SORCS1: variants seen among roughly 807,000 people sequenced by gnomAD.
SORCS1 encodes the protein sortilin related VPS10 domain containing receptor 1, also known as VPS10 domain-containing receptor SorCS1.
Under a neutral mutation model 146.1 loss-of-function variants are expected in SORCS1, and 60 were observed. The ratio of observed to expected loss-of-function variants is 0.41; its 90% CI spans 0.33 to 0.51. SORCS1 has a LOEUF of 0.51. Ranked by LOEUF, SORCS1 falls within the 20% of genes least tolerant of loss-of-function variation. The pLI is 0.21. For synonymous variants in SORCS1, 637 were observed against 584.0 expected, an observed-to-expected ratio of 1.09 and a Z score of -1.31; for missense variants, 1,352 against 1,487.6, an observed-to-expected ratio of 0.91 and a Z score of 1.50.
intron 10 of SORCS1, among the ~76,000 whole-genome samples, chr10:106,687,213 C>T (rs1320627836): frequency 6.6e-6 from 1 of 152,172 alleles, no homozygotes; most frequent in Non-Finnish European, 1.5e-5. Flanking sequence ...CGTGACCCTG[C>T]AATCTTCCAT....
chr10:106,812,483 CT>C (rs1204717644), intron 3 of SORCS1, among the ~76,000 whole-genome samples: 4 of 152,178 alleles, frequency 2.6e-5, no homozygotes, highest in Non-Finnish European at 5.9e-5. Flanking sequence ...TACCACTTAG[CT>C]CAAAAGGCAA....
chr10:107,123,347 A>C (rs1277370361), intron 1 of SORCS1, among the ~76,000 whole-genome samples: 5 of 152,256 alleles, frequency 3.3e-5, no homozygotes, highest in African/African-American at 7.2e-5. Context: ...TTCAATAAAC[A>C]GTAAAAGAAA....
chr10:107,033,961 T>C (rs1477841890), intron 1 of SORCS1, among the ~76,000 whole-genome samples: 3 of 152,188 alleles, frequency 2.0e-5, no homozygotes, highest in African/African-American at 7.2e-5. Context: ...CATTAATCAC[T>C]CCTGATGCTC....
At chr10:106,695,999 C>T (rs1021573936) in intron 9 of SORCS1, among the ~76,000 whole-genome samples, 18 of 152,166 alleles carry the variant, frequency 1.2e-4, no homozygotes, top group African/African-American at 4.1e-4. Context: ...CTTCCTTCTG[C>T]ATTTTTTAGA....
the SORCS1 span, among the ~76,000 whole-genome samples, chr10:107,173,785 A>C: frequency 1.3e-5 from 2 of 152,212 alleles, no homozygotes; most frequent in African/African-American, 4.8e-5. Flanking sequence ...AGCACCATTA[A>C]TTTAAAATTT....
chr10:107,040,702 T>A (rs1319637252), intron 1 of SORCS1, among the ~76,000 whole-genome samples: 1 of 152,184 alleles, frequency 6.6e-6, no homozygotes, highest in Non-Finnish European at 1.5e-5. Context: ...TTGTAAGGAT[T>A]ACATAAGATG....
chr10:107,004,974 G>T (rs904663691), intron 1 of SORCS1, among the ~76,000 whole-genome samples: 10 of 152,052 alleles, frequency 6.6e-5, no homozygotes, highest in African/African-American at 2.4e-4. Flanking sequence ...ACTTTCTCCA[G>T]TTGCCTGCCA....
intron 2 of SORCS1, among the ~76,000 whole-genome samples, chr10:106,857,742 A>G (rs550424411): frequency 9.8e-5 from 15 of 152,326 alleles, no homozygotes; most frequent in African/African-American, 3.6e-4. Context: ...AGTGCAACTG[A>G]TATTTCTATT....
chr10:106,954,771 C>T (rs922219390), intron 2 of SORCS1, among the ~76,000 whole-genome samples: 1 of 152,062 alleles, frequency 6.6e-6, no homozygotes, highest in Non-Finnish European at 1.5e-5. Context: ...ACGGCCTGCA[C>T]CTCCCCCATT....
At chr10:107,116,875 C>T (rs1275912390) in intron 1 of SORCS1, among the ~76,000 whole-genome samples, 2 of 152,098 alleles carry the variant, frequency 1.3e-5, no homozygotes, top group Admixed American at 1.3e-4. Flanking sequence ...AATAATCTTG[C>T]TATCAACAGA....
chr10:106,637,595 G>A (rs754978847), intron 18 of SORCS1, among the ~76,000 whole-genome samples: 11 of 152,172 alleles, frequency 7.2e-5, no homozygotes, highest in Non-Finnish European at 1.6e-4. Flanking sequence ...CCAGTGAAGA[G>A]GATAGTGCAG....
chr10:106,919,214 G>A (rs1010830388), intron 2 of SORCS1, among the ~76,000 whole-genome samples: 4 of 152,174 alleles, frequency 2.6e-5, no homozygotes, highest in Non-Finnish European at 5.9e-5. Flanking sequence ...TGGTATGATA[G>A]CTATGCCCTT....
At chr10:106,660,242 ATG>A in intron 17 of SORCS1, among the ~76,000 whole-genome samples, 1 of 152,218 alleles carries the variant, frequency 6.6e-6, no homozygotes, top group African/African-American at 2.4e-5. Flanking sequence ...TTTATGGCTT[ATG>A]TAGAGAGGAA....
At chr10:107,018,113 T>G (rs572608474) in intron 1 of SORCS1, among the ~76,000 whole-genome samples, 6 of 152,186 alleles carry the variant, frequency 3.9e-5, no homozygotes, top group African/African-American at 1.4e-4. Context: ...TCTTGCTAAG[T>G]TCCCCCTAGT....
intron 10 of SORCS1, among the ~76,000 whole-genome samples, chr10:106,683,692 T>C (rs186138754): frequency 6.6e-6 from 1 of 152,320 alleles, no homozygotes; most frequent in African/African-American, 2.4e-5. Flanking sequence ...TTTATCTCCA[T>C]GGTATCTAAT....
chr10:106,629,254 C>T lies in SORCS1; in HGVS notation c.2610G>A (p.Gln870=), dbSNP rs1308142883. The T allele has an allele frequency of 2.0e-5, 32 of 1,613,970 alleles. No homozygotes were observed. The East Asian group carries it at 7.1e-4, about 36-fold the overall frequency. Residue 870 remains glutamine (Q), a synonymous_variant, in exon 19 of 26, where the codon CAG becomes CAA. Coordinates refer to ENST00000263054, the MANE Select transcript of SORCS1 (RefSeq NM_052918.5). ...QNVGIFRVTV[Q]VDNSLGSDSA... ...TGTCAGAACCCAGACTGTTGTCCAC[C>T]TGCACGGTCACACGGAAAATGCCCA...
chr10:106,823,875 T>C (rs1948169831), intron 3 of SORCS1, among the ~76,000 whole-genome samples: 1 of 152,162 alleles, frequency 6.6e-6, no homozygotes, highest in Admixed American at 6.5e-5. Flanking sequence ...TGGGACTCAG[T>C]CTCCATATCT....
chr10:106,930,707 T>C (rs749105125), intron 2 of SORCS1, among the ~76,000 whole-genome samples: 5 of 152,192 alleles, frequency 3.3e-5, no homozygotes, highest in African/African-American at 1.2e-4. Flanking sequence ...TGGAAAGATA[T>C]GATGGTTCTT....
At chr10:107,072,064 C>A (rs539327705) in intron 1 of SORCS1, among the ~76,000 whole-genome samples, 12 of 152,304 alleles carry the variant, frequency 7.9e-5, no homozygotes, top group African/African-American at 2.9e-4. Flanking sequence ...AAACTGGATG[C>A]AGCTGCAGCT....
Sources: gnomAD v4.1 joint callset for allele counts (sites outside exome capture counted in the v4.1 genomes callset) on GRCh38, gnomAD v4.1.1 for gene constraint, MANE v1.5 for transcripts, NCBI Gene and HGNC (gene_info 2026-07-23, HGNC 2026-07-21) for gene names.